Variants in CATSPERG observed in about 807,000 individuals in gnomAD.
CATSPERG encodes catsper channel auxiliary subunit gamma, also known as cation channel sperm-associated auxiliary subunit gamma.
In CATSPERG, 115 loss-of-function variants were observed where a neutral mutation model predicts 145.0. The observed-to-expected ratio is 0.79, with a 90% CI of 0.68 to 0.93. The LOEUF (loss-of-function observed/expected upper bound fraction) is 0.93, where lower values mean the gene tolerates loss of function less well. Ranked by LOEUF, CATSPERG falls within the 40% of genes least tolerant of loss-of-function variation. The probability of loss-of-function intolerance (pLI) is 0.00; values close to 1 mark genes in which losing one functional copy is unlikely to be tolerated. For missense variants in CATSPERG, 1,296 were observed against 1,490.1 expected (o/e 0.87, Z 2.14); for synonymous variants, 588 against 589.0 (o/e 1.00, Z 0.02).
chr19:38,358,008 C>A, intron 11 of CATSPERG: 1 of 435,098 alleles, frequency 2.3e-6, no homozygotes, highest in Non-Finnish European at 4.2e-6. Flanking sequence ...ATCCCAGCTA[C>A]TCCATAGGCT....
At chr19:38,359,437 C>A (rs766116518) in intron 13 of CATSPERG, 33 bp from the exon 14 acceptor site, 24 of 1,442,112 alleles carry the variant, frequency 1.7e-5, no homozygotes, top group Non-Finnish European at 2.2e-5. Context: ...GGCTGTCCAG[C>A]ATGCGCCTAG....
intron 8 of CATSPERG, among the ~76,000 whole-genome samples, chr19:38,352,943 G>A (rs916693170): frequency 2.5e-4 from 37 of 149,678 alleles, no homozygotes; most frequent in African/African-American, 8.1e-4. Context: ...AGGGGGCATC[G>A]CATGAGCCCA....
At chr19:38,342,424 A>G (rs1969954221) in intron 3 of CATSPERG, among the ~76,000 whole-genome samples, 1 of 151,530 alleles carries the variant, frequency 6.6e-6, no homozygotes, top group Non-Finnish European at 1.5e-5. Flanking sequence ...ACGTGGTGAA[A>G]CCTCATCTTT....
At chr19:38,369,234 G>T (rs1970506004) in intron 26 of CATSPERG, among the ~76,000 whole-genome samples, 1 of 152,152 alleles carries the variant, frequency 6.6e-6, no homozygotes, top group Non-Finnish European at 1.5e-5. Flanking sequence ...CTTGCACCTA[G>T]TCAGAATTTA....
At chr19:38,337,079 A>G (rs141634244) in intron 1 of CATSPERG, 142 bp from the exon 2 acceptor site, 4 of 995,046 alleles carry the variant, frequency 4.0e-6, no homozygotes, top group Non-Finnish European at 5.8e-6. Flanking sequence ...GACCAAGAGC[A>G]AGTGCAGGGG....
chr19:38,341,463 A>G (rs1969936917), intron 3 of CATSPERG, among the ~76,000 whole-genome samples: 1 of 152,192 alleles, frequency 6.6e-6, no homozygotes, highest in African/African-American at 2.4e-5. Context: ...TGTAGTTGAC[A>G]GGATTGAAAA....
chr19:38,370,846 A>G lies in CATSPERG; in HGVS notation c.*54A>G. 1 of 1,565,248 alleles carries G rather than the reference A, an allele frequency of 6.4e-7. No individual in the cohort carries two copies. ...CTGTCACGCCTCTCTTATGAGGCCC[A>G]TCTTGAAGATGCAACCTGTCACCCA... On this transcript the variant is annotated 3_prime_UTR_variant, in exon 29 of 29. Coordinates refer to ENST00000409235, the MANE Select transcript of CATSPERG (RefSeq NM_021185.5).
chr19:38,351,888 C>G (rs1970148030), intron 7 of CATSPERG, among the ~76,000 whole-genome samples: 1 of 152,164 alleles, frequency 6.6e-6, no homozygotes, highest in East Asian at 1.9e-4. Context: ...GCCTGGGTGA[C>G]AGAGCCAGAT....
intron 22 of CATSPERG, chr19:38,366,782 C>G (rs2145112525): frequency 4.9e-6 from 1 of 202,520 alleles, no homozygotes; most frequent in African/African-American, 2.3e-5. Context: ...CCTCTACCTC[C>G]CTGGTTCAAG....
chr19:38,353,498 C>T (rs1970185104), intron 8 of CATSPERG, among the ~76,000 whole-genome samples: 1 of 151,902 alleles, frequency 6.6e-6, no homozygotes, highest in Non-Finnish European at 1.5e-5. Flanking sequence ...ACCAGCCTGG[C>T]TAACATGGTG....
rs774496432 is a variant in CATSPERG, at chr19:38,354,853, G to A, written c.1135+6G>A. The A allele has an allele frequency of 5.8e-5, 94 of 1,613,126 alleles. No homozygotes were observed. The highest frequency in any genetic ancestry group is 2.0e-4 in the South Asian group (18 of 91,018). On this transcript the variant is annotated splice_donor_region_variant and intron_variant, in intron 9 of 28. Transcript: ENST00000409235. ...ACACTTCGGGACCATCAGAGGTAAG[G>A]GTGTGGGCCTCTGTCAGCCCCAGGG...
intron 25 of CATSPERG, 63 bp downstream of exon 25, chr19:38,367,839 C>T (rs1433628304): frequency 2.7e-6 from 4 of 1,478,300 alleles, no homozygotes; most frequent in Non-Finnish European, 2.8e-6. Context: ...TTCCCACTTC[C>T]AAGCCAAGCC....
intron 13 of CATSPERG, among the ~76,000 whole-genome samples, chr19:38,358,910 CA>C: frequency 6.6e-6 from 1 of 152,120 alleles, no homozygotes; most frequent in East Asian, 1.9e-4. Context: ...AGGACAGTGG[CA>C]AAATCTCGGC....
intron 3 of CATSPERG, among the ~76,000 whole-genome samples, chr19:38,342,801 A>C (rs549712835): frequency 8.6e-5 from 13 of 151,814 alleles, no homozygotes; most frequent in Non-Finnish European, 1.6e-4. Flanking sequence ...GCTGTTCTGC[A>C]TGCCTGAAAC....
intron 3 of CATSPERG, among the ~76,000 whole-genome samples, chr19:38,342,594 C>T (rs1220927113): frequency 6.8e-6 from 1 of 146,110 alleles, no homozygotes; most frequent in Non-Finnish European, 1.5e-5. Flanking sequence ...AGTGAGACTC[C>T]TTCTTGAAAA....
chr19:38,337,074 A>AGAGCAAGTGCAGGGGCGGGGCCAG (rs1969852443), intron 1 of CATSPERG, 147 bp from the exon 2 acceptor site: 1 of 946,394 alleles, frequency 1.1e-6, no homozygotes, highest in African/African-American at 1.7e-5. Context: ...GGCGGGACCA[A>AGAGCAAGTGCAGGGGCGGGGCCAG]GAGCAAGTGC....
chr19:38,337,720 A>AT, intron 3 of CATSPERG, 74 bp downstream of exon 3: 1 of 1,318,132 alleles, frequency 7.6e-7, no homozygotes, highest in African/African-American at 1.5e-5. Context: ...TTATTTATTT[A>AT]TTTATTTTAT....
chr19:38,337,284 G>T lies in CATSPERG; in HGVS notation c.50G>T (p.Arg17Leu). ...FPAGPPWPRVRVVQVLWALLA... is the reference protein window; with the variant it reads ...FPAGPPWPRVLVVQVLWALLA... ...GCCGGTCCTCCGTGGCCCAGAGTCCGAGTCGTGCAGGTGCTGTGGGCCCTG... is the reference window on the plus strand; with the variant it reads ...GCCGGTCCTCCGTGGCCCAGAGTCCTAGTCGTGCAGGTGCTGTGGGCCCTG... The change falls in exon 2 of 29, where the codon CGA becomes CTA. Residue 17 changes from arginine to leucine, a missense_variant. Coordinates refer to ENST00000409235, the MANE Select transcript of CATSPERG (RefSeq NM_021185.5). The T allele has an allele frequency of 1.3e-6, 2 of 1,551,494 alleles. No individual in the cohort carries two copies. The highest frequency in any genetic ancestry group is 1.2e-5 in the South Asian group (1 of 84,054).
Position 38,370,219 on chromosome 19 carries a change from G to A in CATSPERG, c.3174G>A (p.Gly1058=), listed in dbSNP as rs960902402. The change falls in exon 28 of 29, where the codon GGG becomes GGA. Residue 1058 remains glycine, a synonymous_variant. Coordinates refer to ENST00000409235, the MANE Select transcript of CATSPERG (RefSeq NM_021185.5). The part of the protein sequence containing the change: ...YQLTFLLHIH[G]LPLSPKRALF... ...TCACCTTCCTGCTGCACATCCACGG[G>A]CTGCCACTCAGTCCCAAGCGGGCCC... is the stretch of plus-strand genomic sequence containing the variant. 3 of 1,613,504 alleles carry A rather than the reference G, an allele frequency of 1.9e-6. No individual in the cohort carries two copies. In the African/African-American group the frequency reaches 4.0e-5, roughly 22 times the overall value.
Sources: allele counts gnomAD v4.1 joint callset (sites outside exome capture counted in the v4.1 genomes callset), GRCh38; gene constraint gnomAD v4.1.1; transcripts MANE v1.5; gene names NCBI Gene and HGNC (gene_info 2026-07-23, HGNC 2026-07-21).